Variants in PPARGC1A observed in about 807,000 individuals in gnomAD.
The protein encoded by PPARGC1A is peroxisome proliferator-activated receptor gamma coactivator 1-alpha.
In PPARGC1A, 25 loss-of-function variants were observed where a neutral mutation model predicts 88.7. That is an observed-to-expected ratio of 0.28 (90% CI 0.21 to 0.39). The LOEUF (loss-of-function observed/expected upper bound fraction) is 0.39, where lower values mean the gene tolerates loss of function less well. Ranked by LOEUF, PPARGC1A falls within the 10% of genes least tolerant of loss-of-function variation. The pLI is 1.00. For synonymous variants in PPARGC1A, 363 were observed against 355.6 expected, an observed-to-expected ratio of 1.02 and a Z score of -0.24; for missense variants, 880 against 968.7, an observed-to-expected ratio of 0.91 and a Z score of 1.22.
the PPARGC1A span, among the ~76,000 whole-genome samples, chr4:24,229,603 T>G: frequency 1.3e-5 from 2 of 151,062 alleles, no homozygotes; most frequent in African/African-American, 4.9e-5. Context: ...GAGGCCGAGG[T>G]GAGTGGATCA....
At chr4:24,187,849 G>T in the PPARGC1A span, among the ~76,000 whole-genome samples, 1 of 152,166 alleles carries the variant, frequency 6.6e-6, no homozygotes, top group Non-Finnish European at 1.5e-5. Context: ...TTTGATAAAT[G>T]CCCTGAAGAA....
chr4:24,080,127 A>G, the PPARGC1A span, among the ~76,000 whole-genome samples: 1 of 152,040 alleles, frequency 6.6e-6, no homozygotes, highest in East Asian at 1.9e-4. Flanking sequence ...AAATATGTAA[A>G]TTCATTTGAG....
At chr4:24,050,975 C>G in the PPARGC1A span, among the ~76,000 whole-genome samples, 232 of 152,064 alleles carry the variant, frequency 1.5e-3, no homozygotes, top group African/African-American at 5.2e-3. Flanking sequence ...ATCATGAGGT[C>G]AGGAGATGGA....
chr4:24,071,750 G>A, the PPARGC1A span, among the ~76,000 whole-genome samples: 1 of 152,228 alleles, frequency 6.6e-6, no homozygotes, highest in African/African-American at 2.4e-5. Flanking sequence ...TCAGACCCAA[G>A]TTTTACCCCA....
chr4:24,425,454 A>C, the PPARGC1A span, among the ~76,000 whole-genome samples: 13 of 152,220 alleles, frequency 8.5e-5, no homozygotes, highest in Non-Finnish European at 1.9e-4. Flanking sequence ...ATAAATAGAC[A>C]AAGATATATG....
the PPARGC1A span, among the ~76,000 whole-genome samples, chr4:23,934,575 C>T: frequency 6.6e-6 from 1 of 152,164 alleles, no homozygotes; most frequent in Non-Finnish European, 1.5e-5. Context: ...AGATTTTGAT[C>T]TCCTGCTGAT....
chr4:23,878,377 C>T, intron 2 of PPARGC1A, among the ~76,000 whole-genome samples: 1 of 149,232 alleles, frequency 6.7e-6, no homozygotes, highest in South Asian at 2.1e-4. Flanking sequence ...CAGCCAATTT[C>T]ATCTCTCCTA....
the PPARGC1A span, among the ~76,000 whole-genome samples, chr4:24,165,931 A>T: frequency 6.6e-6 from 1 of 152,210 alleles, no homozygotes; most frequent in Non-Finnish European, 1.5e-5. Flanking sequence ...TAAATAAAAA[A>T]CCAGAAATGA....
At chr4:24,089,325 C>G in the PPARGC1A span, among the ~76,000 whole-genome samples, 2 of 151,984 alleles carry the variant, frequency 1.3e-5, no homozygotes, top group Non-Finnish European at 2.9e-5. Context: ...GGGGACCCAG[C>G]CTAGCGATAC....
the PPARGC1A span, among the ~76,000 whole-genome samples, chr4:24,198,456 T>C: frequency 2.0e-5 from 3 of 152,210 alleles, 1 homozygote; most frequent in Admixed American, 2.0e-4. Context: ...CTGTTTCTCC[T>C]AGCTGTTTCT....
the PPARGC1A span, among the ~76,000 whole-genome samples, chr4:24,126,459 T>C: frequency 3.9e-5 from 6 of 152,172 alleles, no homozygotes; most frequent in Admixed American, 2.6e-4. Flanking sequence ...TTATTTGGGA[T>C]GTGTGACCCC....
At chr4:24,295,327 T>G in the PPARGC1A span, among the ~76,000 whole-genome samples, 2 of 152,176 alleles carry the variant, frequency 1.3e-5, no homozygotes, top group Non-Finnish European at 2.9e-5. Flanking sequence ...GAGTTGTTTT[T>G]CCTGCCAAAT....
rs550243415 is a variant in PPARGC1A, at chr4:23,895,936, ATGTGTGTGTGTGTG to A, written n.52+3317_52+3330del. Among the ~76,000 whole-genome samples the A allele has an allele frequency of 7.7e-3, 1,010 of 130,710 alleles. 2 individuals carry two copies. Among genetic ancestry groups the A allele is most frequent in the Non-Finnish European group, 0.013 (752 of 60,148 alleles). The allele number at this position is 130,710 out of a possible 152,430, so 85.8% of individuals were successfully genotyped here. A position where few individuals can be genotyped will look rare whatever the true frequency, so the allele number is the denominator to read the frequency against. The stretch of plus-strand genomic sequence containing the variant: ...TGACCTGGTTCAATAAATTATAGAG[ATGTGTGTGTGTGTG>A]TGTGTGTGTGTGTGTGTGTGTGTGT... On this transcript the variant is annotated intron_variant and non_coding_transcript_variant, in intron 1 of 3. Coordinates refer to the PPARGC1A transcript ENST00000507342.
chr4:24,452,172 C>G, the PPARGC1A span, among the ~76,000 whole-genome samples: 1 of 152,144 alleles, frequency 6.6e-6, no homozygotes, highest in African/African-American at 2.4e-5. Flanking sequence ...GCCTGCCATG[C>G]AGATTTTGGA....
At chr4:24,453,014 C>A in the PPARGC1A span, among the ~76,000 whole-genome samples, 2 of 152,138 alleles carry the variant, frequency 1.3e-5, no homozygotes, top group Non-Finnish European at 2.9e-5. Flanking sequence ...GACGTGACTG[C>A]ATTTAAACTC....
upstream of PPARGC1A, among the ~76,000 whole-genome samples, chr4:23,894,687 G>A (rs549492255): frequency 1.3e-5 from 2 of 152,212 alleles, no homozygotes; most frequent in South Asian, 4.1e-4. Context: ...ACCTCAAAAT[G>A]TGCTTTTGGT....
upstream of PPARGC1A, among the ~76,000 whole-genome samples, chr4:23,892,366 C>T (rs1269298518): frequency 2.0e-5 from 3 of 152,014 alleles, no homozygotes; most frequent in South Asian, 2.1e-4. Flanking sequence ...TATTGCATTT[C>T]CCCCTCAAAT....
At chr4:24,393,046 CA>C in the PPARGC1A span, among the ~76,000 whole-genome samples, 317 of 113,154 alleles carry the variant, frequency 2.8e-3, no homozygotes, top group Middle Eastern at 5.7e-3. Flanking sequence ...CACACACACA[CA>C]CCCCTTTTTC....
the PPARGC1A span, among the ~76,000 whole-genome samples, chr4:24,451,973 C>T: frequency 5.3e-5 from 8 of 152,004 alleles, no homozygotes; most frequent in East Asian, 1.9e-4. Flanking sequence ...GTTTTTTGTA[C>T]GAGATTTAAC....
Sources: gnomAD v4.1 joint callset for allele counts (sites outside exome capture counted in the v4.1 genomes callset) on GRCh38, gnomAD v4.1.1 for gene constraint, MANE v1.5 for transcripts, NCBI Gene and HGNC (gene_info 2026-07-23, HGNC 2026-07-21) for gene names.